The following TRPM2 variants were observed in gnomAD, a reference collection of about 807,000 sequenced individuals.
TRPM2 encodes the protein transient receptor potential cation channel subfamily M member 2.
In TRPM2, 161 loss-of-function variants were observed where a neutral mutation model predicts 174.0. That is an observed-to-expected ratio of 0.93 (90% CI 0.81 to 1.05). TRPM2 has a LOEUF of 1.05. Among genes scored for constraint, TRPM2 ranks in the 50% least tolerant of loss-of-function variants. The probability of loss-of-function intolerance (pLI) is 0.00; values close to 1 mark genes in which losing one functional copy is unlikely to be tolerated. For missense variants in TRPM2, 2,057 were observed against 2,038.0 expected, an observed-to-expected ratio of 1.01 and a Z score of -0.18; for synonymous variants, 954 against 861.3, an observed-to-expected ratio of 1.11 and a Z score of -1.88.
chr21:44,417,602 G>A, intron 20 of TRPM2, among the ~76,000 whole-genome samples: 1 of 101,612 alleles, frequency 9.8e-6, no homozygotes, highest in African/African-American at 4.1e-5. Flanking sequence ...GCTCTCTGTG[G>A]CATCACAGTG....
Position 44,395,564 on chromosome 21 carries a change from G to C in TRPM2, c.1932+13G>C. The stretch of plus-strand genomic sequence containing the variant: ...CATCTGGGCTCAGGTAATAAGACTG[G>C]CTTCTCAGTCTCAGCAGACACAGCT... On this transcript the variant is annotated intron_variant, in intron 12 of 31. Coordinates refer to ENST00000397928, the MANE Select transcript of TRPM2 (RefSeq NM_003307.4). 1 of 1,612,576 alleles carries C rather than the reference G, an allele frequency of 6.2e-7. No individual in the cohort carries two copies. Among genetic ancestry groups the C allele is most frequent in the Admixed American group, 1.7e-5 (1 of 59,996 alleles).
chr21:44,433,443 G>A (rs1400507649), intron 27 of TRPM2, among the ~76,000 whole-genome samples: 1 of 152,228 alleles, frequency 6.6e-6, no homozygotes, highest in African/African-American at 2.4e-5. Flanking sequence ...GCCCAGTGCC[G>A]AATTTGTCCG....
intron 27 of TRPM2, among the ~76,000 whole-genome samples, chr21:44,427,406 G>A (rs536656413): frequency 2.0e-5 from 3 of 152,324 alleles, no homozygotes; most frequent in East Asian, 1.9e-4. Flanking sequence ...GGGAGAGGAC[G>A]ATGCCTCAGA....
At chr21:44,403,502 G>A (rs563381326) in intron 16 of TRPM2, among the ~76,000 whole-genome samples, 1 of 148,934 alleles carries the variant, frequency 6.7e-6, no homozygotes, top group South Asian at 2.1e-4. Flanking sequence ...ACAGGTACAT[G>A]CACACACATG....
In TRPM2 at chr21:44,425,699, G is replaced by T. The variant is rs199712565; in HGVS notation, c.3667G>T (p.Ala1223Ser). ...CCAGAAGGCCGCGGAGGAGCCGGAT[G>T]CTGAGCCGGGAGGCAGGAAGAAGAC... ...ASQKAAEEPD[A>S]EPGGRKKTEE... Residue 1223 changes from alanine (A) to serine (S), a missense_variant, in exon 25 of 32, where the codon GCT becomes TCT. By Grantham distance (99) the Ala-to-Ser change is moderately conservative. Coordinates refer to ENST00000397928, the MANE Select transcript of TRPM2 (RefSeq NM_003307.4). The T allele has an allele frequency of 2.6e-6, 4 of 1,555,656 alleles. No individual in the cohort carries two copies. The South Asian group carries it at 4.7e-5, about 18-fold the overall frequency.
At chr21:44,387,116 G>T (rs149092150) in intron 9 of TRPM2, among the ~76,000 whole-genome samples, 2 of 152,238 alleles carry the variant, frequency 1.3e-5, no homozygotes, top group East Asian at 1.9e-4. Context: ...AGCCCAGAAG[G>T]TTGGGGCTGC....
chr21:44,359,922 A>G (rs2048166263), intron 2 of TRPM2, among the ~76,000 whole-genome samples: 1 of 151,560 alleles, frequency 6.6e-6, no homozygotes, highest in South Asian at 2.1e-4. Context: ...TAATTTTTGT[A>G]TTTTTAGTAG....
chr21:44,372,344 A>G (rs2048566032), intron 5 of TRPM2, among the ~76,000 whole-genome samples: 1 of 152,050 alleles, frequency 6.6e-6, no homozygotes, highest in Non-Finnish European at 1.5e-5. Context: ...TCTCTACAAA[A>G]AATTAGCCGG....
In TRPM2 at chr21:44,366,970, G is replaced by A. The variant is rs1293462507; in HGVS notation, c.604+36G>A. 2 of 1,542,210 alleles carry A rather than the reference G, an allele frequency of 1.3e-6. No individual in the cohort carries two copies. The highest frequency in any genetic ancestry group is 1.9e-5 in the Admixed American group (1 of 52,308). On this transcript the variant is annotated intron_variant, in intron 4 of 31. Coordinates refer to ENST00000397928, the MANE Select transcript of TRPM2 (RefSeq NM_003307.4). This position sits in a 1 kb window ranked among gnomAD's most constrained non-coding sequence, Gnocchi z 6.0. The stretch of plus-strand genomic sequence containing the variant: ...GGCTGGAGGGACACGAGGCCCCGGC[G>A]GGTGGGGTGGGCTGTGGAGGCAGTG...
At chr21:44,384,466 G>A (rs1442624802) in intron 9 of TRPM2, among the ~76,000 whole-genome samples, 2 of 152,184 alleles carry the variant, frequency 1.3e-5, no homozygotes, top group Admixed American at 6.5e-5. Flanking sequence ...GGGTAAGGGA[G>A]CACACAGATG....
intron 16 of TRPM2, among the ~76,000 whole-genome samples, chr21:44,403,983 T>C (rs932665469): frequency 3.3e-5 from 5 of 151,096 alleles, no homozygotes; most frequent in African/African-American, 1.2e-4. Flanking sequence ...CACATACACA[T>C]GCATACACAC....
chr21:44,405,994 T>C lies in TRPM2; in HGVS notation c.2747T>C (p.Ile916Thr). The change falls in exon 18 of 32, where the codon ATC becomes ACC. Residue 916 changes from isoleucine to threonine, a missense_variant. Physicochemically the swap from Ile to Thr is moderately conservative, Grantham distance 89. Coordinates refer to ENST00000397928, the MANE Select transcript of TRPM2 (RefSeq NM_003307.4). The stretch of plus-strand genomic sequence containing the variant: ...CTCCGGCTCATGCACATTTTTACCA[T>C]CAGTAAGACGCTGGGGCCCAAGATC... Reference protein sequence around the residue: ...FCLRLMHIFTISKTLGPKIII... With the variant: ...FCLRLMHIFTTSKTLGPKIII... 6.2e-7 allele frequency: 1 copy of C among 1,608,628 alleles called. No individual in the cohort carries two copies. The highest frequency in any genetic ancestry group is 8.5e-7 in the Non-Finnish European group (1 of 1,179,740).
chr21:44,373,434 G>A (rs951640417), intron 5 of TRPM2, among the ~76,000 whole-genome samples: 10 of 152,234 alleles, frequency 6.6e-5, no homozygotes, highest in South Asian at 2.1e-4. Context: ...TGATCCGCCC[G>A]CCTCGGCCCC....
rs747783333 is a variant in TRPM2 at position 44,418,113 on chromosome 21, G to C, written c.3328+5G>C. On this transcript the variant is annotated splice_donor_5th_base_variant and intron_variant, in intron 21 of 31. Transcript: ENST00000397928. ...CCAAGAGGCACAAGCAGCTCAGTAT[G>C]CCAGCCCCAGTGCCTCTCCTGAATG... 1.2e-6 allele frequency: 2 copies of C among 1,606,794 alleles called. No individual in the cohort carries two copies. Among genetic ancestry groups the C allele is most frequent in the Non-Finnish European group, 8.5e-7 (1 of 1,176,610 alleles).
intron 16 of TRPM2, among the ~76,000 whole-genome samples, chr21:44,404,529 C>T (rs980135031): frequency 1.3e-5 from 2 of 152,236 alleles, no homozygotes; most frequent in African/African-American, 4.8e-5. Context: ...TGTTCCTCCA[C>T]GTCCTGTTCC....
Position 44,441,783 on chromosome 21 carries a change from A to AGC in TRPM2, c.4479_4480insCG (p.Lys1494ArgfsTer23). On this transcript the variant is annotated frameshift_variant, in exon 32 of 32. Coordinates refer to ENST00000397928, the MANE Select transcript of TRPM2 (RefSeq NM_003307.4). LOFTEE classifies it high-confidence loss of function. ...TATGCGAACCACAAGACCCTCCTCC[A>AGC]GAAGGCAGCCGCTGAGTTCGGGGCT... is the stretch of plus-strand genomic sequence containing the variant. 6.2e-7 allele frequency: 1 copy of AGC among 1,610,876 alleles called. No homozygotes were observed. Among genetic ancestry groups the AGC allele is most frequent in the South Asian group, 1.1e-5 (1 of 90,086 alleles).
In TRPM2 at chr21:44,399,384, C is replaced by T. The variant is rs1301821465; in HGVS notation, c.2151C>T (p.Cys717=). 1 of 1,612,866 alleles carries T rather than the reference C, an allele frequency of 6.2e-7. No individual in the cohort carries two copies. Among genetic ancestry groups the T allele is most frequent in the Non-Finnish European group, 8.5e-7 (1 of 1,179,928 alleles). The change falls in exon 14 of 32, where the codon TGC becomes TGT. Residue 717 remains cysteine, a synonymous_variant. Transcript: ENST00000397928. The surrounding 1 kb of genome is among the most constrained non-coding windows in gnomAD (Gnocchi z 4.6). ...RVSEAWGKTT[C]LQLALEAKDM... ...CCGAGGCCTGGGGGAAGACCACCTGCCTGCAGCTCGCCCTGGAGGCCAAGG... is the reference window on the plus strand; with the variant it reads ...CCGAGGCCTGGGGGAAGACCACCTGTCTGCAGCTCGCCCTGGAGGCCAAGG...
rs1569104685 is a variant in TRPM2, at chr21:44,424,922, CG to C, written c.3622del (p.Asp1208ThrfsTer33). On this transcript the variant is annotated frameshift_variant, in exon 24 of 32. Transcript: ENST00000397928. LOFTEE classifies it high-confidence loss of function. The part of the protein sequence containing the change: ...TLRASGFSSE[A>X]DVPTLASQKA... ...CGGGCCAGCGGCTTCAGCTCGGAGG[CG>C]GACGTCCCCACTCTGGGTGAGTGGG... 3 of 1,605,320 alleles carry C rather than the reference CG, an allele frequency of 1.9e-6. No homozygotes were observed. Among genetic ancestry groups the C allele is most frequent in the Middle Eastern group, 3.9e-4 (2 of 5,182 alleles).
chr21:44,354,737 G>T lies in TRPM2; in HGVS notation c.254+1G>T. 3 of 1,614,042 alleles carry T rather than the reference G, an allele frequency of 1.9e-6. No homozygotes were observed. The highest frequency in any genetic ancestry group is 1.7e-5 in the Admixed American group (1 of 60,034). On this transcript the variant is annotated splice_donor_variant, in intron 2 of 31. Transcript: ENST00000397928. LOFTEE classifies it high-confidence loss of function. The surrounding 1 kb of genome is among the most constrained non-coding windows in gnomAD (Gnocchi z 4.3). Reference sequence around the variant, plus strand: ...AAAGTTCCAAACTGTCTGATGCTGGGTAAGTGACGTGATTTGTGTGTAAGA... The same window carrying T: ...AAAGTTCCAAACTGTCTGATGCTGGTTAAGTGACGTGATTTGTGTGTAAGA...
Sources: gnomAD v4.1 joint callset for allele counts (sites outside exome capture counted in the v4.1 genomes callset) on GRCh38, gnomAD v4.1.1 for gene constraint, Gnocchi (gnomAD v3.1) non-coding constraint, MANE v1.5 for transcripts, NCBI Gene and HGNC (gene_info 2026-07-23, HGNC 2026-07-21) for gene names.